Variants in KCNQ3 observed in about 807,000 individuals in gnomAD.
KCNQ3 encodes the protein potassium voltage-gated channel subfamily KQT member 3.
KCNQ3 carries 30 observed loss-of-function variants against 92.5 expected under a neutral mutation model. That is an observed-to-expected ratio of 0.32 (90% CI 0.24 to 0.44). The LOEUF is 0.44. Among genes scored for constraint, KCNQ3 ranks in the 20% least tolerant of loss-of-function variants. KCNQ3 has a pLI of 1.00. For missense variants in KCNQ3, 913 were observed against 1,140.3 expected, an observed-to-expected ratio of 0.80 and a Z score of 2.87; for synonymous variants, 450 against 468.8, an observed-to-expected ratio of 0.96 and a Z score of 0.52.
chr8:132,259,281 CAAAT>C (rs1815695562), intron 1 of KCNQ3, among the ~76,000 whole-genome samples: 2 of 151,856 alleles, frequency 1.3e-5, no homozygotes, highest in Admixed American at 1.3e-4. Context: ...AATTCAATAA[CAAAT>C]AAAAAAGTTT....
intron 9 of KCNQ3, 92 bp downstream of exon 9, chr8:132,163,376 A>C: frequency 2.9e-6 from 3 of 1,041,196 alleles, no homozygotes; most frequent in Non-Finnish European, 4.6e-6. Context: ...TGGGACCAGC[A>C]TGACCTCCCA....
At chr8:132,384,638 T>C (rs1033803731) in intron 1 of KCNQ3, among the ~76,000 whole-genome samples, 7 of 152,176 alleles carry the variant, frequency 4.6e-5, no homozygotes, top group African/African-American at 1.4e-4. Flanking sequence ...CAAAAGCATA[T>C]AGTCATTTGA....
chr8:132,120,988 C>T lies in KCNQ3; in HGVS notation c.*8274G>A, dbSNP rs899306963. The T allele has an allele frequency of 3.9e-5, 6 of 152,044 alleles. No homozygotes were observed. The highest frequency in any genetic ancestry group is 1.4e-4 in the African/African-American group (6 of 41,394). 9.4% of individuals were successfully genotyped at this position (152,044 alleles called of 1,614,324 possible). A position where few individuals can be genotyped will look rare whatever the true frequency, so the allele number is the denominator to read the frequency against. On this transcript the variant is annotated 3_prime_UTR_variant, in exon 15 of 15. Transcript: ENST00000388996. The stretch of plus-strand genomic sequence containing the variant: ...CTATTAAAGTTGTTCAAATATTGGA[C>T]AGAGCCAGAATATAAATTACACATA...
At chr8:132,254,945 T>A (rs1044742514) in intron 1 of KCNQ3, among the ~76,000 whole-genome samples, 8 of 152,218 alleles carry the variant, frequency 5.3e-5, no homozygotes, top group African/African-American at 1.9e-4. Context: ...AGTCCTCTCT[T>A]CCATAATAGC....
chr8:132,142,160 G>T (rs1249177851), intron 9 of KCNQ3, among the ~76,000 whole-genome samples: 1 of 152,038 alleles, frequency 6.6e-6, no homozygotes, highest in Admixed American at 6.6e-5. Flanking sequence ...TTTGTATATT[G>T]TATTTTGTTT....
At chr8:132,192,493 C>A (rs945789750) in intron 1 of KCNQ3, among the ~76,000 whole-genome samples, 1 of 152,112 alleles carries the variant, frequency 6.6e-6, no homozygotes, top group African/African-American at 2.4e-5. Flanking sequence ...ACGTGAGAGC[C>A]GCCCCCAGCT....
intron 1 of KCNQ3, among the ~76,000 whole-genome samples, chr8:132,417,343 C>T (rs1222617954): frequency 1.3e-5 from 2 of 152,098 alleles, no homozygotes; most frequent in Admixed American, 1.3e-4. Flanking sequence ...CACAACAGCC[C>T]AACAGGGAGG....
At chr8:132,338,908 G>A (rs534240689) in intron 1 of KCNQ3, among the ~76,000 whole-genome samples, 1 of 152,330 alleles carries the variant, frequency 6.6e-6, no homozygotes, top group African/African-American at 2.4e-5. Flanking sequence ...TACAACGTGG[G>A]TCAGGGGGAG....
intron 1 of KCNQ3, among the ~76,000 whole-genome samples, chr8:132,337,395 G>T (rs984811288): frequency 6.6e-6 from 1 of 152,124 alleles, no homozygotes; most frequent in South Asian, 2.1e-4. Context: ...TACTCAGGGG[G>T]CTGAGGCAGG....
chr8:132,430,753 C>T (rs1821228609), intron 1 of KCNQ3, among the ~76,000 whole-genome samples: 1 of 152,194 alleles, frequency 6.6e-6, no homozygotes, highest in Non-Finnish European at 1.5e-5. Flanking sequence ...CCCTACAGGA[C>T]AGAAACGGGA....
At position 132,266,556 on chromosome 8, in the gene KCNQ3, A is replaced by G. The variant is rs1815987991; in HGVS notation, c.387-80375T>C. On this transcript the variant is annotated intron_variant, in intron 1 of 14. Coordinates refer to ENST00000388996, the MANE Select transcript of KCNQ3 (RefSeq NM_004519.4). ...GCATAGGTGTGGCCAAAGGGATGAG[A>G]GGGAATGTGCTCTGTTTGGATCCAG... 2.0e-5 allele frequency among the ~76,000 whole-genome samples: 3 copies of G among 152,130 alleles called. No individual in the cohort carries two copies. In the South Asian group the frequency reaches 6.2e-4, roughly 31 times the overall value.
intron 1 of KCNQ3, among the ~76,000 whole-genome samples, chr8:132,423,911 A>G (rs2130814569): frequency 6.6e-6 from 1 of 152,310 alleles, no homozygotes; most frequent in Non-Finnish European, 1.5e-5. Flanking sequence ...AGCTTAGTTA[A>G]GTATAACCAC....
At chr8:132,316,551 C>T (rs538453412) in intron 1 of KCNQ3, among the ~76,000 whole-genome samples, 2 of 152,336 alleles carry the variant, frequency 1.3e-5, no homozygotes, top group African/African-American at 2.4e-5. Flanking sequence ...AGTACTAGCA[C>T]AGCATCTAGC....
chr8:132,413,792 C>T (rs1271597415), intron 1 of KCNQ3, among the ~76,000 whole-genome samples: 2 of 152,362 alleles, frequency 1.3e-5, no homozygotes, highest in South Asian at 2.1e-4. Context: ...GCTGAGGTTC[C>T]TGCCTGTCTT....
chr8:132,162,323 G>A (rs1826016728), intron 9 of KCNQ3, among the ~76,000 whole-genome samples: 1 of 152,190 alleles, frequency 6.6e-6, no homozygotes, highest in Non-Finnish European at 1.5e-5. Flanking sequence ...AAATCTGCAC[G>A]ATTTATAAAC....
intron 1 of KCNQ3, among the ~76,000 whole-genome samples, chr8:132,323,641 C>T (rs1407228018): frequency 6.6e-6 from 1 of 152,114 alleles, no homozygotes; most frequent in East Asian, 1.9e-4. Flanking sequence ...CTCTGACTTC[C>T]CATTTCCATT....
At chr8:132,189,642 C>T (rs560059327) in intron 1 of KCNQ3, among the ~76,000 whole-genome samples, 19 of 151,926 alleles carry the variant, frequency 1.3e-4, no homozygotes, top group Non-Finnish European at 1.9e-4. Context: ...GCCTGACCAA[C>T]GTGGAGAAAC....
chr8:132,355,141 C>A (rs181076221), intron 1 of KCNQ3, among the ~76,000 whole-genome samples: 10 of 152,278 alleles, frequency 6.6e-5, no homozygotes, highest in Middle Eastern at 3.4e-3. Context: ...CACCTCTAGA[C>A]CAGATTGAGG....
intron 1 of KCNQ3, among the ~76,000 whole-genome samples, chr8:132,322,813 G>GA (rs954190817): frequency 6.6e-6 from 1 of 152,132 alleles, no homozygotes; most frequent in African/African-American, 2.4e-5. Flanking sequence ...AATAACCAAG[G>GA]AAAAACAATC....
Sources: gnomAD v4.1 joint callset for allele counts (sites outside exome capture counted in the v4.1 genomes callset) on GRCh38, gnomAD v4.1.1 for gene constraint, MANE v1.5 for transcripts, NCBI Gene and HGNC (gene_info 2026-07-23, HGNC 2026-07-21) for gene names.